Variants in ZC3H7B observed in about 807,000 individuals in gnomAD.
ZC3H7B encodes the protein zinc finger CCCH domain-containing protein 7B.
Under a neutral mutation model 116.0 loss-of-function variants are expected in ZC3H7B, and 35 were observed. The ratio of observed to expected loss-of-function variants is 0.30; its 90% CI spans 0.23 to 0.40. The LOEUF is 0.40. Among genes scored for constraint, ZC3H7B ranks in the 10% least tolerant of loss-of-function variants. ZC3H7B has a pLI of 1.00. For synonymous variants in ZC3H7B, 502 were observed against 545.6 expected, an observed-to-expected ratio of 0.92 and a Z score of 1.11; for missense variants, 1,011 against 1,321.5, an observed-to-expected ratio of 0.77 and a Z score of 3.64.
chr22:41,357,480 G>T lies in ZC3H7B; in HGVS notation c.*51G>T, dbSNP rs1569245769. 2 of 1,332,276 alleles carry T rather than the reference G, an allele frequency of 1.5e-6. No individual in the cohort carries two copies. The highest frequency in any genetic ancestry group is 2.8e-5 in the East Asian group (1 of 35,612). 82.5% of individuals were successfully genotyped at this position (1,332,276 alleles called of 1,614,324 possible). A position where few individuals can be genotyped will look rare whatever the true frequency, so the allele number is the denominator to read the frequency against. On this transcript the variant is annotated 3_prime_UTR_variant, in exon 23 of 23. Transcript: ENST00000352645. The surrounding 1 kb of genome is among the most constrained non-coding windows in gnomAD (Gnocchi z 5.4). ...TCCTGGGGTCAGGGGGTGGGGTGGG[G>T]CCAGAAGGCCTGATAGAAGGGTCAG...
chr22:41,316,693 G>A (rs1270970170), intron 1 of ZC3H7B, among the ~76,000 whole-genome samples: 4 of 141,368 alleles, frequency 2.8e-5, no homozygotes, highest in African/African-American at 1.1e-4. Flanking sequence ...TAACTTCCTG[G>A]GCTCAGTTAG....
chr22:41,351,762 A>G lies in ZC3H7B; in HGVS notation c.2034+116A>G. The G allele has an allele frequency of 1.1e-6, 1 of 884,324 alleles. No individual in the cohort carries two copies. The highest frequency in any genetic ancestry group is 1.7e-6 in the Non-Finnish European group (1 of 573,174). The allele number at this position is 884,324 out of a possible 1,614,324, so 54.8% of individuals were successfully genotyped here. On this transcript the variant is annotated intron_variant, in intron 17 of 22. Coordinates refer to ENST00000352645, the MANE Select transcript of ZC3H7B (RefSeq NM_017590.6). This position sits in a 1 kb window ranked among gnomAD's most constrained non-coding sequence, Gnocchi z 5.1. ...TGTTTACAATGGAGGCACCTCGAATAAGTTATGAAAGTAACTTGGATAATG... is the reference window on the plus strand; with the variant it reads ...TGTTTACAATGGAGGCACCTCGAATGAGTTATGAAAGTAACTTGGATAATG...
intron 4 of ZC3H7B, among the ~76,000 whole-genome samples, chr22:41,326,564 G>C (rs1210077438): frequency 6.6e-6 from 1 of 151,658 alleles, no homozygotes; most frequent in Non-Finnish European, 1.5e-5. Context: ...CCTCCTCACT[G>C]TTTCTCCCAT....
intron 1 of ZC3H7B, among the ~76,000 whole-genome samples, chr22:41,309,492 T>C (rs1431983042): frequency 6.6e-6 from 1 of 151,650 alleles, no homozygotes; most frequent in Non-Finnish European, 1.5e-5. Context: ...TTTTTGTATT[T>C]TTATTAGAGA....
At chr22:41,344,281 C>T (rs2145933548) in intron 13 of ZC3H7B, among the ~76,000 whole-genome samples, 1 of 152,330 alleles carries the variant, frequency 6.6e-6, no homozygotes, top group Admixed American at 6.5e-5. Flanking sequence ...GTGGCCCGCC[C>T]AGGCCTCCTG....
chr22:41,341,183 C>A, intron 11 of ZC3H7B, 37 bp downstream of exon 11: 1 of 1,612,362 alleles, frequency 6.2e-7, no homozygotes, highest in Non-Finnish European at 8.5e-7. Context: ...CCTCTCATTC[C>A]CTGCTGGGGG....
Position 41,340,148 on chromosome 22 carries a change from G to C in ZC3H7B, c.1138+11G>C, listed in dbSNP as rs1264498278. On this transcript the variant is annotated intron_variant, in intron 10 of 22. Transcript: ENST00000352645. ...CTGACTCCTTCATGGGTAAGGCCAT[G>C]GGTGGGCCCGTTCAACCTCCCTGGA... is the stretch of plus-strand genomic sequence containing the variant. 5.0e-6 allele frequency: 8 copies of C among 1,586,322 alleles called. No homozygotes were observed. Among genetic ancestry groups the C allele is most frequent in the South Asian group, 1.1e-5 (1 of 87,560 alleles).
At position 41,346,319 on chromosome 22, in the gene ZC3H7B, G is replaced by C; in HGVS notation, c.1665+111G>C. ...GTCAGCCCTGGAACCCGTGGGCTGT[G>C]GAGGCCTGGTCTTAGAACCAGTAGG... On this transcript the variant is annotated intron_variant, in intron 14 of 22. Coordinates refer to ENST00000352645, the MANE Select transcript of ZC3H7B (RefSeq NM_017590.6). This position sits in a 1 kb window ranked among gnomAD's most constrained non-coding sequence, Gnocchi z 5.3. The C allele has an allele frequency of 8.1e-7, 1 of 1,238,988 alleles. No individual in the cohort carries two copies. Among genetic ancestry groups the C allele is most frequent in the Admixed American group, 2.1e-5 (1 of 48,634 alleles). The allele number at this position is 1,238,988 out of a possible 1,614,324, so 76.7% of individuals were successfully genotyped here.
intron 17 of ZC3H7B, among the ~76,000 whole-genome samples, chr22:41,354,471 C>A (rs1398000235): frequency 6.6e-6 from 1 of 152,168 alleles, no homozygotes; most frequent in Non-Finnish European, 1.5e-5. Flanking sequence ...AGGCCCTGGG[C>A]AGGGCAATGC....
intron 1 of ZC3H7B, among the ~76,000 whole-genome samples, chr22:41,317,516 G>A (rs1323028535): frequency 9.9e-5 from 15 of 152,096 alleles, no homozygotes; most frequent in Non-Finnish European, 1.0e-4. Flanking sequence ...CTGGCTGGGC[G>A]CAGTGGCTCA....
chr22:41,311,542 C>T (rs1472960646), intron 1 of ZC3H7B, among the ~76,000 whole-genome samples: 1 of 151,912 alleles, frequency 6.6e-6, no homozygotes, highest in African/African-American at 2.4e-5. Context: ...GAGGGCATTC[C>T]AGGTAGAGGG....
chr22:41,308,651 C>T (rs968209841), intron 1 of ZC3H7B, among the ~76,000 whole-genome samples: 8 of 152,132 alleles, frequency 5.3e-5, no homozygotes, highest in Non-Finnish European at 1.0e-4. Flanking sequence ...GATCTTCTTG[C>T]GAAATAAATA....
intron 11 of ZC3H7B, 84 bp from the exon 12 acceptor site, chr22:41,342,445 C>T: frequency 7.5e-7 from 1 of 1,332,954 alleles, no homozygotes; most frequent in Non-Finnish European, 1.1e-6. Context: ...TCATAGAGCA[C>T]TCCCCACTTC....
At position 41,355,740 on chromosome 22, in the gene ZC3H7B, C is replaced by G. The variant is rs776294716; in HGVS notation, c.2169-17C>G. 3.7e-6 allele frequency: 6 copies of G among 1,613,774 alleles called. No individual in the cohort carries two copies. The East Asian group carries it at 1.3e-4, about 36-fold the overall frequency. ...GGCTGTGCCCTGACCTCTCCCCAAC[C>G]CTGCTCTGTCCTGCAGCTGGACCAA... is the stretch of plus-strand genomic sequence containing the variant. On this transcript the variant is annotated splice_polypyrimidine_tract_variant and intron_variant, in intron 18 of 22. Coordinates refer to ENST00000352645, the MANE Select transcript of ZC3H7B (RefSeq NM_017590.6).
chr22:41,353,708 CG>C (rs1569244135), intron 17 of ZC3H7B, among the ~76,000 whole-genome samples: 2 of 152,188 alleles, frequency 1.3e-5, no homozygotes, highest in African/African-American at 4.8e-5. Flanking sequence ...GGCAGGCTGC[CG>C]GGGGGTCCCT....
At chr22:41,336,229 T>C (rs1166730259) in intron 7 of ZC3H7B, 1 of 152,282 alleles carries the variant, frequency 6.6e-6, no homozygotes, top group Non-Finnish European at 1.5e-5. Flanking sequence ...CCAGAAACTG[T>C]GCATCTAATC....
rs2036337925 is a variant in ZC3H7B at position 41,327,930 on chromosome 22, C to G, written c.444+566C>G. Reference sequence around the variant, plus strand: ...CTTGAGCTCAGGAGTTTGCAACTAGCCTGAGCAACATAGCAAGACCCTGTT... The same window carrying G: ...CTTGAGCTCAGGAGTTTGCAACTAGGCTGAGCAACATAGCAAGACCCTGTT... On this transcript the variant is annotated intron_variant, in intron 5 of 22. Transcript: ENST00000352645. This position sits in a 1 kb window ranked among gnomAD's most constrained non-coding sequence, Gnocchi z 4.5. Among the ~76,000 whole-genome samples, 1 of 152,070 alleles carries G rather than the reference C, an allele frequency of 6.6e-6. No homozygotes were observed. Among genetic ancestry groups the G allele is most frequent in the African/African-American group, 2.4e-5 (1 of 41,410 alleles).
At chr22:41,343,782 AGAGGCAGGT>A (rs2036552546) in intron 13 of ZC3H7B, among the ~76,000 whole-genome samples, 1 of 152,212 alleles carries the variant, frequency 6.6e-6, no homozygotes, top group African/African-American at 2.4e-5. Context: ...AGCAGCTTCC[AGAGGCAGGT>A]GGGACACATT....
chr22:41,355,021 A>T (rs533555003), intron 17 of ZC3H7B, among the ~76,000 whole-genome samples: 29 of 152,272 alleles, frequency 1.9e-4, no homozygotes, highest in African/African-American at 6.5e-4. Context: ...AGACTGTGGG[A>T]GCTCACTGAA....
Sources: gnomAD v4.1 joint callset for allele counts (sites outside exome capture counted in the v4.1 genomes callset) on GRCh38, gnomAD v4.1.1 for gene constraint, Gnocchi (gnomAD v3.1) non-coding constraint, MANE v1.5 for transcripts, NCBI Gene and HGNC (gene_info 2026-07-23, HGNC 2026-07-21) for gene names.